The following STK32C variants were observed in gnomAD, a reference collection of about 807,000 sequenced individuals.
STK32C encodes serine/threonine-protein kinase 32C.
Under a neutral mutation model 56.5 loss-of-function variants are expected in STK32C, and 31 were observed. That is an observed-to-expected ratio of 0.55 (90% CI 0.41 to 0.74). STK32C has a LOEUF of 0.74. Among genes scored for constraint, STK32C ranks in the 30% least tolerant of loss-of-function variants. The probability of loss-of-function intolerance (pLI) is 0.00; values close to 1 mark genes in which losing one functional copy is unlikely to be tolerated. For synonymous variants in STK32C, 309 were observed against 289.4 expected (o/e 1.07, Z -0.69); for missense variants, 544 against 676.9 (o/e 0.80, Z 2.18).
upstream of STK32C, among the ~76,000 whole-genome samples, chr10:132,312,665 G>A (rs1034663742): frequency 2.0e-5 from 3 of 152,282 alleles, no homozygotes; most frequent in East Asian, 1.9e-4. Flanking sequence ...GCTGCACTAC[G>A]TAAACTAAAA....
chr10:132,269,107 G>C (rs2064724785), intron 1 of STK32C, among the ~76,000 whole-genome samples: 1 of 150,626 alleles, frequency 6.6e-6, no homozygotes, highest in Non-Finnish European at 1.5e-5. Context: ...GTCACATCGT[G>C]TGTGTGTGTG....
At chr10:132,209,831 G>A (rs2062233496) in intron 10 of STK32C, among the ~76,000 whole-genome samples, 1 of 152,204 alleles carries the variant, frequency 6.6e-6, no homozygotes, top group Admixed American at 6.5e-5. Flanking sequence ...AGTGAAAAGT[G>A]CAGGGAGTCG....
At chr10:132,331,312 T>G (rs935624813) in intron 1 of STK32C, 1 of 954,568 alleles carries the variant, frequency 1.0e-6, no homozygotes. Flanking sequence ...CATTATCAGT[T>G]GGATCCTGGA....
At chr10:132,318,223 G>A (rs1299158742) in intron 1 of STK32C, among the ~76,000 whole-genome samples, 3 of 151,552 alleles carry the variant, frequency 2.0e-5, no homozygotes, top group Middle Eastern at 3.4e-3. Flanking sequence ...AGCCAAGATC[G>A]CGCCACTGCA....
intron 1 of STK32C, among the ~76,000 whole-genome samples, chr10:132,249,627 C>T (rs1391837566): frequency 6.6e-6 from 1 of 152,172 alleles, no homozygotes. Context: ...CGTGGCTGTC[C>T]TCTGGATGAC....
chr10:132,266,773 C>G (rs1161323068), intron 1 of STK32C, among the ~76,000 whole-genome samples: 2 of 149,498 alleles, frequency 1.3e-5, no homozygotes, highest in East Asian at 2.0e-4. Context: ...CAAATGCTCT[C>G]GGGGAGGAGG....
At position 132,232,000 on chromosome 10, in the gene STK32C, G is replaced by A. The variant is rs372534755; in HGVS notation, c.319-3872C>T. Among the ~76,000 whole-genome samples, 51 of 152,388 alleles carry A rather than the reference G, an allele frequency of 3.3e-4. 1 individual carries two copies. The highest frequency in any genetic ancestry group is 1.2e-3 in the African/African-American group (50 of 41,596). ...CACTGAGCTACGGAACTTGGTTGTGGCGGGAAACTCGCTTTCTCCACGCCT... is the reference window on the plus strand; with the variant it reads ...CACTGAGCTACGGAACTTGGTTGTGACGGGAAACTCGCTTTCTCCACGCCT... On this transcript the variant is annotated intron_variant, in intron 2 of 11. Transcript: ENST00000298630.
chr10:132,270,188 T>A (rs1219892794), intron 1 of STK32C, among the ~76,000 whole-genome samples: 1 of 152,240 alleles, frequency 6.6e-6, no homozygotes, highest in African/African-American at 2.4e-5. Context: ...GCTCCAGGGA[T>A]GTCCAGGCCC....
In STK32C at chr10:132,307,613, G is replaced by A. The variant is rs2138411248; in HGVS notation, c.221C>T (p.Ala74Val). 2.6e-6 allele frequency: 4 copies of A among 1,545,134 alleles called. No individual in the cohort carries two copies. The highest frequency in any genetic ancestry group is 1.7e-6 in the Non-Finnish European group (2 of 1,147,838). The change falls in exon 1 of 12, where the codon GCG becomes GTG. Residue 74 changes from alanine to valine, a missense_variant. Ala to Val is a moderately conservative substitution (Grantham distance 64). Around this residue, in one of 3 missense-constraint regions of STK32C, gnomAD observed 182 missense variants for 217.7 expected, o/e 0.84. Transcript: ENST00000298630. This position sits in a 1 kb window ranked among gnomAD's most constrained non-coding sequence, Gnocchi z 4.4. Reference protein sequence around the residue: ...WKKRMGSSMSAATARRPVFDD... With the variant: ...WKKRMGSSMSVATARRPVFDD... ...AAACACCGGCCTCCGCGCGGTGGCCGCCGACATGGACGAGCCCATCCTCTT... is the reference window on the plus strand; with the variant it reads ...AAACACCGGCCTCCGCGCGGTGGCCACCGACATGGACGAGCCCATCCTCTT...
At chr10:132,282,953 G>A (rs2065261787) in intron 1 of STK32C, among the ~76,000 whole-genome samples, 1 of 152,242 alleles carries the variant, frequency 6.6e-6, no homozygotes, top group South Asian at 2.1e-4. Context: ...GCTGGGGTCG[G>A]GGAGGCTGGC....
chr10:132,281,902 TGGG>T (rs113212179), intron 1 of STK32C, among the ~76,000 whole-genome samples: 1 of 152,012 alleles, frequency 6.6e-6, no homozygotes, highest in African/African-American at 2.4e-5. Context: ...TGGTGGGGTC[TGGG>T]GGGAAGAGAG....
At chr10:132,254,037 C>A (rs573211902) in intron 1 of STK32C, among the ~76,000 whole-genome samples, 1 of 152,212 alleles carries the variant, frequency 6.6e-6, no homozygotes, top group African/African-American at 2.4e-5. Context: ...AGGCAGGGCG[C>A]GGTGGCTCAT....
intron 1 of STK32C, among the ~76,000 whole-genome samples, chr10:132,261,255 G>T (rs1238418637): frequency 1.3e-5 from 2 of 152,192 alleles, no homozygotes; most frequent in Non-Finnish European, 2.9e-5. Context: ...GGAATGAGGC[G>T]CCTGGAACTG....
At chr10:132,225,359 A>T (rs779177614) in intron 6 of STK32C, 23 bp from the exon 7 acceptor site, 2 of 1,598,912 alleles carry the variant, frequency 1.3e-6, no homozygotes, top group Non-Finnish European at 1.7e-6. Context: ...AAGAAGGAAA[A>T]ACAGCTGCCA....
At chr10:132,293,923 G>A (rs534599752) in intron 1 of STK32C, among the ~76,000 whole-genome samples, 10 of 152,330 alleles carry the variant, frequency 6.6e-5, no homozygotes, top group Non-Finnish European at 1.2e-4. Context: ...AACACCTGAC[G>A]GTCACAGGCA....
chr10:132,309,746 C>T (rs567177393), upstream of STK32C, among the ~76,000 whole-genome samples: 4 of 152,308 alleles, frequency 2.6e-5, no homozygotes, highest in Admixed American at 6.5e-5. Flanking sequence ...TGGAACCCTG[C>T]GTACCCGGTG....
intron 1 of STK32C, among the ~76,000 whole-genome samples, chr10:132,276,896 C>G (rs2065012301): frequency 6.6e-6 from 1 of 152,216 alleles, no homozygotes; most frequent in African/African-American, 2.4e-5. Flanking sequence ...CCCCAGGGCT[C>G]GAGGCCGTGG....
At chr10:132,210,528 G>A (rs959051467) in intron 10 of STK32C, among the ~76,000 whole-genome samples, 15 of 152,194 alleles carry the variant, frequency 9.9e-5, no homozygotes, top group Admixed American at 7.9e-4. Flanking sequence ...GATTACAGGC[G>A]TGAGCCACCA....
chr10:132,293,210 G>A (rs2065626725), intron 1 of STK32C, among the ~76,000 whole-genome samples: 1 of 152,212 alleles, frequency 6.6e-6, no homozygotes, highest in African/African-American at 2.4e-5. Context: ...CTGGCTGAGA[G>A]GAGGATGGAG....
Sources: gnomAD v4.1 joint callset for allele counts (sites outside exome capture counted in the v4.1 genomes callset) on GRCh38, gnomAD v4.1.1 for gene constraint, gnomAD v4.1.1 regional missense constraint, Gnocchi (gnomAD v3.1) non-coding constraint, MANE v1.5 for transcripts, NCBI Gene and HGNC (gene_info 2026-07-23, HGNC 2026-07-21) for gene names.